The following ZC3H7A variants were observed in gnomAD, a reference collection of about 807,000 sequenced individuals.
ZC3H7A encodes zinc finger CCCH-type containing 7A, also known as zinc finger CCCH domain-containing protein 7A.
A neutral mutation model predicts 125.5 loss-of-function variants in ZC3H7A; 44 were observed. That is an observed-to-expected ratio of 0.35 (90% CI 0.28 to 0.45). The LOEUF (loss-of-function observed/expected upper bound fraction) is 0.45. Ranked by LOEUF, ZC3H7A falls within the 20% of genes least tolerant of loss-of-function variation. ZC3H7A has a pLI of 1.00. For synonymous variants in ZC3H7A, 399 were observed against 391.2 expected (o/e 1.02, Z -0.23); for missense variants, 977 against 1,170.7 (o/e 0.83, Z 2.41).
In ZC3H7A at chr16:11,750,974, T is replaced by C. The variant is rs906243618; in HGVS notation, c.*343A>G. The C allele has an allele frequency of 5.7e-6, 1 of 174,866 alleles. No homozygotes were observed. Among genetic ancestry groups the C allele is most frequent in the Non-Finnish European group, 1.2e-5 (1 of 83,328 alleles). The allele number at this position is 174,866 out of a possible 1,614,324, so 10.8% of individuals were successfully genotyped here. A position where few individuals can be genotyped will look rare whatever the true frequency, so the allele number is the denominator to read the frequency against. On this transcript the variant is annotated 3_prime_UTR_variant, in exon 23 of 23. Coordinates refer to ENST00000355758, the MANE Select transcript of ZC3H7A (RefSeq NM_014153.4). ...TCATGTATTCTGATCCCAGTACAAG[T>C]GTTTATTCTCTTACCGTCACGATTC... is the stretch of plus-strand genomic sequence containing the variant.
At chr16:11,769,748 A>G (rs1359476931) in intron 10 of ZC3H7A, among the ~76,000 whole-genome samples, 1 of 126,330 alleles carries the variant, frequency 7.9e-6, no homozygotes, top group Admixed American at 7.9e-5. Context: ...TGACCATAAC[A>G]TTTAAAAAAA....
Position 11,781,483 on chromosome 16 carries a change from T to G in ZC3H7A, c.69-19A>C. On this transcript the variant is annotated intron_variant, in intron 2 of 22. Transcript: ENST00000355758. ...CGGTGACCTAAGAAGAAGAAACAAA[T>G]TAACTGTAATTATCAAGCTCCTTAT... The G allele has an allele frequency of 6.2e-7, 1 of 1,601,274 alleles. No individual in the cohort carries two copies. The highest frequency in any genetic ancestry group is 1.7e-4 in the Middle Eastern group (1 of 6,000).
At chr16:11,774,187 A>T (rs1375402232) in intron 9 of ZC3H7A, 49 bp downstream of exon 9, 1 of 1,443,564 alleles carries the variant, frequency 6.9e-7, no homozygotes. Context: ...ACAATTTTTA[A>T]AAAGTTAACT....
At chr16:11,795,042 A>C (rs1268327805) in intron 1 of ZC3H7A, among the ~76,000 whole-genome samples, 1 of 152,204 alleles carries the variant, frequency 6.6e-6, no homozygotes, top group Non-Finnish European at 1.5e-5. Context: ...ACGCACAAAT[A>C]TTGATAATAT....
At chr16:11,756,435 T>C in intron 20 of ZC3H7A, 65 bp from the exon 21 acceptor site, 2 of 1,574,732 alleles carry the variant, frequency 1.3e-6, no homozygotes, top group Non-Finnish European at 1.7e-6. Context: ...TGCAACTATG[T>C]GCATATTTTG....
intron 1 of ZC3H7A, among the ~76,000 whole-genome samples, chr16:11,789,000 A>C (rs967890993): frequency 7.2e-5 from 11 of 151,846 alleles, no homozygotes; most frequent in African/African-American, 2.7e-4. Context: ...GCATAATACT[A>C]CACACACACA....
At chr16:11,786,682 G>C (rs768123014) in intron 1 of ZC3H7A, among the ~76,000 whole-genome samples, 6 of 152,148 alleles carry the variant, frequency 3.9e-5, no homozygotes, top group Non-Finnish European at 7.3e-5. Context: ...GGCAATATTT[G>C]AATATAATAT....
chr16:11,763,031 C>G, intron 16 of ZC3H7A: 2 of 330,448 alleles, frequency 6.1e-6, no homozygotes, highest in Middle Eastern at 8.6e-4. Context: ...CTCTAAAAAT[C>G]AAAAGTTTGA....
chr16:11,768,185 G>T, intron 12 of ZC3H7A, 130 bp downstream of exon 12: 2 of 928,032 alleles, frequency 2.2e-6, no homozygotes, highest in Non-Finnish European at 3.0e-6. Context: ...ACTTGTTTAG[G>T]AAGAATTCAA....
chr16:11,763,307 C>T, intron 16 of ZC3H7A, 171 bp downstream of exon 16: 2 of 503,508 alleles, frequency 4.0e-6, no homozygotes, highest in Non-Finnish European at 6.6e-6. Context: ...GGGGATTTTG[C>T]CGTACTGGCC....
chr16:11,786,206 T>C (rs1406096902), intron 1 of ZC3H7A, among the ~76,000 whole-genome samples: 1 of 152,236 alleles, frequency 6.6e-6, no homozygotes, highest in Non-Finnish European at 1.5e-5. Context: ...GGGCTTTTGT[T>C]TGTTTTAGCT....
intron 1 of ZC3H7A, among the ~76,000 whole-genome samples, chr16:11,795,404 A>C (rs190566421): frequency 6.6e-6 from 1 of 152,308 alleles, no homozygotes; most frequent in African/African-American, 2.4e-5. Context: ...TATTACACAA[A>C]ATAAGCCATA....
At chr16:11,755,135 G>A (rs980015671) in intron 21 of ZC3H7A, among the ~76,000 whole-genome samples, 4 of 150,972 alleles carry the variant, frequency 2.6e-5, no homozygotes, top group South Asian at 2.1e-4. Flanking sequence ...GCTTGAACCC[G>A]AGAGGCGGAG....
Position 11,768,408 on chromosome 16 carries a change from C to G in ZC3H7A, c.1267G>C (p.Val423Leu), listed in dbSNP as rs2052902051. ...NDFGNFFGSA[V>L]TKPSSSVTPR... ...GTCACTGATGAAGATGGTTTGGTAA[C>G]TGCACTTCCAAAAAAGTTTCCAAAG... is the stretch of plus-strand genomic sequence containing the variant. Residue 423 changes from valine (V) to leucine (L), a missense_variant, in exon 12 of 23, where the codon GTT becomes CTT. Around this residue, in one of 3 missense-constraint regions of ZC3H7A, gnomAD observed 342 missense variants for 311.3 expected, o/e 1.10. Coordinates refer to ENST00000355758, the MANE Select transcript of ZC3H7A (RefSeq NM_014153.4). 2 of 1,595,544 alleles carry G rather than the reference C, an allele frequency of 1.3e-6. No homozygotes were observed. Among genetic ancestry groups the G allele is most frequent in the Non-Finnish European group, 1.7e-6 (2 of 1,168,224 alleles).
At chr16:11,764,830 T>C in intron 15 of ZC3H7A, 1 of 377,812 alleles carries the variant, frequency 2.6e-6, no homozygotes, top group East Asian at 4.8e-5. Context: ...CATGAGAAAC[T>C]ATACATCAAT....
At chr16:11,793,705 A>C (rs754837592) in intron 1 of ZC3H7A, among the ~76,000 whole-genome samples, 7 of 152,216 alleles carry the variant, frequency 4.6e-5, no homozygotes, top group Non-Finnish European at 8.8e-5. Flanking sequence ...GGCTCTTGCA[A>C]CACTTACAAA....
intron 9 of ZC3H7A, among the ~76,000 whole-genome samples, chr16:11,772,273 A>G (rs1231768373): frequency 6.6e-6 from 1 of 151,564 alleles, no homozygotes; most frequent in African/African-American, 2.4e-5. Context: ...GGTGATCCAG[A>G]GACGGGAGCT....
Position 11,758,490 on chromosome 16 carries a change from C to A in ZC3H7A, c.2369G>T (p.Cys790Phe). ...TTCCTCAGGACTATGAGCAAAGGAA[C>A]AGTTTCCAACATATTGACATTTTTT... The part of the protein sequence containing the change: ...SGKKCQYVGN[C>F]SFAHSPEERE... The change falls in exon 20 of 23, where the codon TGT (cysteine) becomes TTT (phenylalanine). Residue 790 changes from cysteine (C) to phenylalanine (F), a missense_variant. Cys to Phe is a radical substitution (Grantham distance 205). This residue lies in a region of ZC3H7A where 436 missense variants were observed against 603.2 expected (regional missense o/e 0.72). Transcript: ENST00000355758. The A allele has an allele frequency of 6.2e-7, 1 of 1,613,920 alleles. No individual in the cohort carries two copies.
intron 1 of ZC3H7A, among the ~76,000 whole-genome samples, chr16:11,788,393 C>A (rs923983622): frequency 6.6e-6 from 1 of 152,170 alleles, no homozygotes; most frequent in Non-Finnish European, 1.5e-5. Flanking sequence ...CACGTCCATC[C>A]CCAGGCAGAC....
Sources: allele counts gnomAD v4.1 joint callset (sites outside exome capture counted in the v4.1 genomes callset), GRCh38; gene constraint gnomAD v4.1.1; regional missense constraint gnomAD v4.1.1; transcripts MANE v1.5; gene names NCBI Gene and HGNC (gene_info 2026-07-23, HGNC 2026-07-21).